Variants in ANK2 observed in about 807,000 individuals in gnomAD.
ANK2 encodes the protein ankyrin 2.
In ANK2, 83 loss-of-function variants were observed where a neutral mutation model predicts 360.5. That is an observed-to-expected ratio of 0.23 (90% CI 0.19 to 0.28). The LOEUF (loss-of-function observed/expected upper bound fraction) is 0.28. Ranked by LOEUF, ANK2 falls within the 10% of genes least tolerant of loss-of-function variation. The pLI, the probability that ANK2 is intolerant of heterozygous loss-of-function variation, is 1.00. For synonymous variants in ANK2, 1,740 were observed against 1,759.5 expected (o/e 0.99, Z 0.28); for missense variants, 4,201 against 4,795.7 (o/e 0.88, Z 3.66).
chr4:112,809,695 A>T, the ANK2 span, among the ~76,000 whole-genome samples: 1 of 149,468 alleles, frequency 6.7e-6, no homozygotes, highest in African/African-American at 2.5e-5. Context: ...CAGTCTGGGC[A>T]ATATGGTGAA....
intron 2 of ANK2, among the ~76,000 whole-genome samples, chr4:112,959,315 A>G (rs2033392862): frequency 1.3e-5 from 2 of 152,184 alleles, no homozygotes; most frequent in Admixed American, 1.3e-4. Context: ...ACCCTTAATG[A>G]AGCAGATTTT....
chr4:113,094,775 G>A (rs1488866827), intron 1 of ANK2, among the ~76,000 whole-genome samples: 1 of 152,148 alleles, frequency 6.6e-6, no homozygotes, highest in Admixed American at 6.5e-5. Flanking sequence ...GTCAGAACCA[G>A]ATTTCATCAC....
intron 4 of ANK2, among the ~76,000 whole-genome samples, chr4:113,224,233 A>C (rs927274581): frequency 1.3e-5 from 2 of 152,370 alleles, no homozygotes; most frequent in South Asian, 4.1e-4. Flanking sequence ...AAGAATTTGC[A>C]GGTGTATGTT....
Position 113,258,427 on chromosome 4 carries a change from G to A in ANK2, c.1386+16G>A. On this transcript the variant is annotated intron_variant, in intron 13 of 45. Coordinates refer to ENST00000357077, the MANE Select transcript of ANK2 (RefSeq NM_001148.6). ...CACTAACATTGTGAGTATGGCTTGG[G>A]TCAGAATAACCCCAGGGAGGAAGAG... is the stretch of plus-strand genomic sequence containing the variant. 6.2e-7 allele frequency: 1 copy of A among 1,604,828 alleles called. No individual in the cohort carries two copies. The highest frequency in any genetic ancestry group is 1.1e-5 in the South Asian group (1 of 90,872).
chr4:113,148,894 CA>C (rs1237648880), intron 1 of ANK2, among the ~76,000 whole-genome samples: 1 of 152,148 alleles, frequency 6.6e-6, no homozygotes, highest in African/African-American at 2.4e-5. Flanking sequence ...CCTACCTTGG[CA>C]AAAGTTTGAT....
chr4:113,189,121 G>A (rs1262537723), intron 2 of ANK2, among the ~76,000 whole-genome samples: 1 of 152,146 alleles, frequency 6.6e-6, no homozygotes, highest in East Asian at 1.9e-4. Flanking sequence ...TTGGTTAAAA[G>A]AACCAAATTT....
At chr4:112,842,164 C>A (rs1579470087) in intron 1 of ANK2, among the ~76,000 whole-genome samples, 2 of 152,084 alleles carry the variant, frequency 1.3e-5, no homozygotes, top group Non-Finnish European at 2.9e-5. Flanking sequence ...CGCCCACAAC[C>A]ACACCTGGCT....
rs2075575959 is a variant in ANK2, at chr4:112,877,848, AGC to A, written c.-39-26606_-39-26605del. Among the ~76,000 whole-genome samples, 15 of 152,288 alleles carry A rather than the reference AGC, an allele frequency of 9.8e-5. 1 individual carries two copies. The South Asian group carries it at 1.9e-3, about 19-fold the overall frequency. On this transcript the variant is annotated intron_variant, in intron 1 of 30. Coordinates refer to the ANK2 transcript ENST00000503271. ...AACCTCCACCTTGGATTCTCCACCT[AGC>A]TAAAATCGTTAAATATTTTTCAGTT... is the stretch of plus-strand genomic sequence containing the variant.
intron 2 of ANK2, among the ~76,000 whole-genome samples, chr4:112,984,085 T>G (rs1378158644): frequency 1.3e-5 from 2 of 152,232 alleles, no homozygotes; most frequent in African/African-American, 4.8e-5. Flanking sequence ...GCTCAGCCAG[T>G]GTGGAATCAT....
At chr4:112,729,820 T>TA in the ANK2 span, among the ~76,000 whole-genome samples, 1 of 151,290 alleles carries the variant, frequency 6.6e-6, no homozygotes, top group Non-Finnish European at 1.5e-5. Flanking sequence ...ACTCAGCCTT[T>TA]AAAAAAGAAG....
chr4:112,762,630 T>A, the ANK2 span, among the ~76,000 whole-genome samples: 2 of 152,060 alleles, frequency 1.3e-5, no homozygotes, highest in Non-Finnish European at 2.9e-5. Flanking sequence ...GTGCTTCAGC[T>A]TCCAGAATAG....
chr4:113,273,012 T>A (rs28149), intron 14 of ANK2, among the ~76,000 whole-genome samples: 54,482 of 151,994 alleles, frequency 0.36, 11,011 homozygotes, highest in African/African-American at 0.52. Flanking sequence ...ATTCCTCTAT[T>A]TTTTTCCTCT....
At chr4:113,181,747 C>T (rs1037119390) in intron 2 of ANK2, among the ~76,000 whole-genome samples, 1 of 152,028 alleles carries the variant, frequency 6.6e-6, no homozygotes, top group African/African-American at 2.4e-5. Context: ...GAGAGAACCG[C>T]ACAGAAGGAG....
chr4:113,359,120 T>G lies in ANK2; in HGVS notation c.10502T>G (p.Ile3501Arg), dbSNP rs2096031447. 6.2e-7 allele frequency: 1 copy of G among 1,613,866 alleles called. No individual in the cohort carries two copies. Among genetic ancestry groups the G allele is most frequent in the African/African-American group, 1.3e-5 (1 of 74,904 alleles). Reference sequence around the variant, plus strand: ...ACACAGTCAGAGAGGGAGCAGGAAATAGTTTCAGACGATGAAAGTAGTAGT... The same window carrying G: ...ACACAGTCAGAGAGGGAGCAGGAAAGAGTTTCAGACGATGAAAGTAGTAGT... Reference protein sequence around the residue: ...RLTQSEREQEIVSDDESSSAL... With the variant: ...RLTQSEREQERVSDDESSSAL... Residue 3501 changes from isoleucine (I) to arginine (R), a missense_variant, in exon 38 of 46, where the codon ATA becomes AGA. By Grantham distance (97) the Ile-to-Arg change is moderately conservative. Around this residue, in one of 4 missense-constraint regions of ANK2, gnomAD observed 2,642 missense variants for 2,714.5 expected, o/e 0.97. Transcript: ENST00000357077.
In ANK2 at chr4:113,318,578, A is replaced by C; in HGVS notation, c.2858A>C (p.Asn953Thr). Residue 953 changes from asparagine to threonine, a missense_variant, in exon 26 of 46, where the codon AAC (asparagine) becomes ACC (threonine). Physicochemically the swap from Asn to Thr is moderately conservative, Grantham distance 65. Coordinates refer to ENST00000357077, the MANE Select transcript of ANK2 (RefSeq NM_001148.6). ...NSYRLSWGTE[N>T]LDNVALSSSP... ...TATCGCCTAAGCTGGGGCACTGAGA[A>C]CTTAGACAACGTGGCTCTTTCTTCT... is the stretch of plus-strand genomic sequence containing the variant. 1 of 1,613,806 alleles carries C rather than the reference A, an allele frequency of 6.2e-7. No homozygotes were observed. The highest frequency in any genetic ancestry group is 1.3e-5 in the African/African-American group (1 of 75,060).
intron 2 of ANK2, among the ~76,000 whole-genome samples, chr4:112,939,747 C>T (rs2094060760): frequency 6.6e-6 from 1 of 152,166 alleles, no homozygotes; most frequent in African/African-American, 2.4e-5. Context: ...TACCCAATGC[C>T]CTTCCTGGAA....
intron 43 of ANK2, among the ~76,000 whole-genome samples, chr4:113,370,020 A>T (rs1204285771): frequency 6.6e-6 from 1 of 152,234 alleles, no homozygotes; most frequent in African/African-American, 2.4e-5. Flanking sequence ...TGATTTGACC[A>T]TGAGCCCTGA....
Position 113,282,864 on chromosome 4 carries a change from T to C in ANK2, c.2071T>C (p.Ser691Pro). The part of the protein sequence containing the change: ...LLDKGANIHM[S>P]TKSGLTSLHL... ...GGATAAGGGAGCCAATATCCACATGTCAACTAAGGTATTCTGTCCTTTCTT... is the reference window on the plus strand; with the variant it reads ...GGATAAGGGAGCCAATATCCACATGCCAACTAAGGTATTCTGTCCTTTCTT... The change falls in exon 18 of 46, where the codon TCA becomes CCA. Residue 691 changes from serine to proline, a missense_variant. Ser to Pro is a moderately conservative substitution (Grantham distance 74). Coordinates refer to ENST00000357077, the MANE Select transcript of ANK2 (RefSeq NM_001148.6). The C allele has an allele frequency of 6.2e-7, 1 of 1,613,902 alleles. No homozygotes were observed.
At chr4:113,342,991 T>A in intron 33 of ANK2, 26 bp from the exon 34 acceptor site, 2 of 1,613,490 alleles carry the variant, frequency 1.2e-6, no homozygotes, top group Non-Finnish European at 1.7e-6. Context: ...GCTACTTTAT[T>A]GTTATTTCTC....
Sources: allele counts gnomAD v4.1 joint callset (sites outside exome capture counted in the v4.1 genomes callset), GRCh38; gene constraint gnomAD v4.1.1; regional missense constraint gnomAD v4.1.1; transcripts MANE v1.5; gene names NCBI Gene and HGNC (gene_info 2026-07-23, HGNC 2026-07-21).